Variants in SERPINB3 observed in about 807,000 individuals in gnomAD.
SERPINB3 encodes serpin B3.
In SERPINB3, 33 loss-of-function variants were observed where a neutral mutation model predicts 33.0. The observed-to-expected ratio is 1.00, with a 90% CI of 0.76 to 1.34. The LOEUF (loss-of-function observed/expected upper bound fraction) is 1.34, where lower values mean the gene tolerates loss of function less well. SERPINB3 is among the 40% of genes most tolerant of loss of function. The pLI is 0.00. For missense variants in SERPINB3, 518 were observed against 461.5 expected (o/e 1.12, Z -1.12); for synonymous variants, 200 against 170.9 (o/e 1.17, Z -1.33).
chr18:63,655,594 A>G lies in SERPINB3; in HGVS notation c.*63T>C. ...GCCAAGAGAATCTGTTGTTGCCAGC[A>G]ATCAGTTTACCAGAACATCTGCAGG... On this transcript the variant is annotated 3_prime_UTR_variant, in exon 8 of 8. Transcript: ENST00000283752. 6.7e-7 allele frequency: 1 copy of G among 1,498,228 alleles called. No homozygotes were observed. Among genetic ancestry groups the G allele is most frequent in the East Asian group, 2.3e-5 (1 of 43,834 alleles). The allele number at this position is 1,498,228 out of a possible 1,614,324, so 92.8% of individuals were successfully genotyped here.
chr18:63,657,260 T>C lies in SERPINB3; in HGVS notation c.612+10A>G, dbSNP rs1913522230. 7.3e-7 allele frequency: 1 copy of C among 1,373,242 alleles called. No individual in the cohort carries two copies. Among genetic ancestry groups the C allele is most frequent in the Non-Finnish European group, 1.0e-6 (1 of 982,488 alleles). The allele number at this position is 1,373,242 out of a possible 1,614,324, so 85.1% of individuals were successfully genotyped here. On this transcript the variant is annotated intron_variant, in intron 6 of 7. Coordinates refer to ENST00000283752, the MANE Select transcript of SERPINB3 (RefSeq NM_006919.3). Reference sequence around the variant, plus strand: ...CATATTACATTATATAAATAAAATATAGACAATACCTTGTTTGGCCAAAAT... The same window carrying C: ...CATATTACATTATATAAATAAAATACAGACAATACCTTGTTTGGCCAAAAT...
At position 63,655,624 on chromosome 18, in the gene SERPINB3, C is replaced by T. The variant is rs1598935862; in HGVS notation, c.*33G>A. 2.6e-6 allele frequency: 4 copies of T among 1,561,350 alleles called. No homozygotes were observed. Among genetic ancestry groups the T allele is most frequent in the South Asian group, 2.4e-5 (2 of 83,018 alleles). The stretch of plus-strand genomic sequence containing the variant: ...GTTTACCAGAACATCTGCAGGTGAA[C>T]ATTTTCCAAATGGAGTGACAGACTA... On this transcript the variant is annotated 3_prime_UTR_variant, in exon 8 of 8. Transcript: ENST00000283752.
At position 63,655,329 on chromosome 18, in the gene SERPINB3, A is replaced by G. The variant is rs980373837; in HGVS notation, c.*328T>C. 1.5e-5 allele frequency: 3 copies of G among 203,898 alleles called. No individual in the cohort carries two copies. The highest frequency in any genetic ancestry group is 1.1e-4 in the East Asian group (1 of 9,216). 12.6% of individuals were successfully genotyped at this position (203,898 alleles called of 1,614,324 possible). A position where few individuals can be genotyped will look rare whatever the true frequency, so the allele number is the denominator to read the frequency against. On this transcript the variant is annotated 3_prime_UTR_variant, in exon 8 of 8. Coordinates refer to ENST00000283752, the MANE Select transcript of SERPINB3 (RefSeq NM_006919.3). Reference sequence around the variant, plus strand: ...AGGTTGCTAAATTCAAAGAAAAAGTATGATTTGGTTTGGTTCATTTAAAAC... The same window carrying G: ...AGGTTGCTAAATTCAAAGAAAAAGTGTGATTTGGTTTGGTTCATTTAAAAC...
In SERPINB3 at chr18:63,655,775, A is replaced by G. The variant is rs773929167; in HGVS notation, c.1055T>C (p.Phe352Ser). Residue 352 changes from phenylalanine to serine, a missense_variant, in exon 8 of 8, where the codon TTC becomes TCC. Phe to Ser is a radical substitution (Grantham distance 155). Transcript: ENST00000283752. ...EAAAATAVVG[F>S]GSSPTSTNEE... ...ATTAGTTGAAGTAGGTGATGATCCG[A>G]ATCCTACTACAGCGGTGGCAGCTGC... 11 of 1,609,762 alleles carry G rather than the reference A, an allele frequency of 6.8e-6. No individual in the cohort carries two copies. Among genetic ancestry groups the G allele is most frequent in the Non-Finnish European group, 9.3e-6 (11 of 1,179,876 alleles).
chr18:63,658,690 C>A (rs1913562524), intron 4 of SERPINB3, 60 bp from the exon 5 acceptor site: 2 of 1,279,912 alleles, frequency 1.6e-6, no homozygotes, highest in South Asian at 1.3e-5. Context: ...TATATATTAC[C>A]AAATTTAGTT....
At position 63,659,432 on chromosome 18, in the gene SERPINB3, C is replaced by T; in HGVS notation, c.318G>A (p.Lys106=). The T allele has an allele frequency of 6.2e-7, 1 of 1,613,514 alleles. No homozygotes were observed. Among genetic ancestry groups the T allele is most frequent in the Non-Finnish European group, 8.5e-7 (1 of 1,179,622 alleles). ...ATAGATACGTTTTTTCTCCGAAGAG[C>T]TTGTTGGCGATCTTCAGCTCATATG... ...TDAYELKIAN[K]LFGEKTYLFL... The change falls in exon 4 of 8, where the codon AAG becomes AAA. Residue 106 remains lysine, a synonymous_variant. Transcript: ENST00000283752.
intron 4 of SERPINB3, 101 bp from the exon 5 acceptor site, chr18:63,658,731 C>G: frequency 1.1e-6 from 1 of 879,258 alleles, no homozygotes; most frequent in Non-Finnish European, 1.8e-6. Flanking sequence ...GAATCCAGAC[C>G]CTGAATAGAT....
Position 63,656,893 on chromosome 18 carries a change from A to G in SERPINB3, c.706T>C (p.Tyr236His), listed in dbSNP as rs750177130. ...DVQAKVLEIP[Y>H]KGKDLSMIVL... ...ATCATGCTTAGATCTTTGCCTTTGT[A>G]TGGTATTTCCAGGACCTTGGCCTGT... The change falls in exon 7 of 8, where the codon TAC (tyrosine) becomes CAC (histidine). Residue 236 changes from tyrosine (Y) to histidine (H), a missense_variant. Physicochemically the swap from Tyr to His is moderately conservative, Grantham distance 83. Transcript: ENST00000283752. 4 of 1,613,464 alleles carry G rather than the reference A, an allele frequency of 2.5e-6. No homozygotes were observed. Among genetic ancestry groups the G allele is most frequent in the East Asian group, 2.2e-5 (1 of 44,870 alleles).
At chr18:63,659,966 T>C (rs181342466) in intron 3 of SERPINB3, among the ~76,000 whole-genome samples, 3 of 152,300 alleles carry the variant, frequency 2.0e-5, no homozygotes, top group South Asian at 4.1e-4. Context: ...GGTGCTGTTA[T>C]CTTGTAGGAC....
At position 63,657,284 on chromosome 18, in the gene SERPINB3, AT is replaced by A; in HGVS notation, c.597del (p.Lys199AsnfsTer14). On this transcript the variant is annotated frameshift_variant, in exon 6 of 8. Coordinates refer to ENST00000283752, the MANE Select transcript of SERPINB3 (RefSeq NM_006919.3). LOFTEE classifies it high-confidence loss of function. ...KFNKEDTKEE[K>X]FWPNKNTYKS... ...ATAGACAATACCTTGTTTGGCCAAA[AT>A]TTTTCCTCTTTAGTATCTTCTTTAT... 1 of 1,579,280 alleles carries A rather than the reference AT, an allele frequency of 6.3e-7. No individual in the cohort carries two copies. The highest frequency in any genetic ancestry group is 1.2e-5 in the South Asian group (1 of 85,200).
In SERPINB3 at chr18:63,658,545, T is replaced by C. The variant is rs1428663506; in HGVS notation, c.437A>G (p.Lys146Arg). ...TTGACTTTCCACCCAGGAGTTAATCTTCTTTCGACTTTCTTCTGGAGCATT... is the reference window on the plus strand; with the variant it reads ...TTGACTTTCCACCCAGGAGTTAATCCTCTTTCGACTTTCTTCTGGAGCATT... ...FANAPEESRK[K>R]INSWVESQTN... is the part of the protein sequence containing the mutation. Residue 146 changes from lysine (K) to arginine (R), a missense_variant, in exon 5 of 8, where the codon AAG (lysine) becomes AGG (arginine). By Grantham distance (26) the Lys-to-Arg change is conservative. Coordinates refer to ENST00000283752, the MANE Select transcript of SERPINB3 (RefSeq NM_006919.3). 6.2e-7 allele frequency: 1 copy of C among 1,613,072 alleles called. No individual in the cohort carries two copies. The highest frequency in any genetic ancestry group is 8.5e-7 in the Non-Finnish European group (1 of 1,179,402).
At chr18:63,657,016 C>T in intron 6 of SERPINB3, 30 bp from the exon 7 acceptor site, 1 of 1,559,750 alleles carries the variant, frequency 6.4e-7, no homozygotes, top group Non-Finnish European at 8.7e-7. Flanking sequence ...CCAACAAATA[C>T]CAAGTGAGAC....
At position 63,656,756 on chromosome 18, in the gene SERPINB3, T is replaced by C. The variant is rs1913506848; in HGVS notation, c.768+75A>G. The C allele has an allele frequency of 2.0e-6, 3 of 1,491,020 alleles. 1 individual carries two copies. In the South Asian group the frequency reaches 4.3e-5, roughly 21 times the overall value. 92.4% of individuals were successfully genotyped at this position (1,491,020 alleles called of 1,614,324 possible). On this transcript the variant is annotated intron_variant, in intron 7 of 7. Coordinates refer to ENST00000283752, the MANE Select transcript of SERPINB3 (RefSeq NM_006919.3). ...TTTGAGGCAACTCGGTCACCAGCTT[T>C]TACCTTGTTTAAACTTGGTATCTTT...
chr18:63,660,963 C>G, intron 2 of SERPINB3, 89 bp downstream of exon 2: 3 of 1,608,400 alleles, frequency 1.9e-6, no homozygotes, highest in East Asian at 4.5e-5. Context: ...TGCTACCCAT[C>G]AGACCACCAC....
rs1198487577 is a variant in SERPINB3 at position 63,658,604 on chromosome 18, A to G, written c.378T>C (p.Phe126=). Residue 126 remains phenylalanine, a synonymous_variant, in exon 5 of 8, where the codon TTT becomes TTC. Transcript: ENST00000283752. ...LQEYLDAIKK[F]YQTSVESVDF... is the part of the protein sequence containing the mutation. ...CAACAGATTCCACACTGGTCTGGTA[A>G]AATTTCTTGATGGCATCTAAATATT... The G allele has an allele frequency of 3.7e-6, 6 of 1,612,582 alleles. No homozygotes were observed. In the African/African-American group the frequency reaches 8.0e-5, roughly 22 times the overall value.
Position 63,660,786 on chromosome 18 carries a change from G to C in SERPINB3, c.222+14C>G. On this transcript the variant is annotated intron_variant, in intron 3 of 7. Coordinates refer to ENST00000283752, the MANE Select transcript of SERPINB3 (RefSeq NM_006919.3). Reference sequence around the variant, plus strand: ...CGGGGATCTAAAGCTGAACCATAGTGCTCTGTGACTCACATGATATGTTGC... The same window carrying C: ...CGGGGATCTAAAGCTGAACCATAGTCCTCTGTGACTCACATGATATGTTGC... 2 of 1,613,224 alleles carry C rather than the reference G, an allele frequency of 1.2e-6. No individual in the cohort carries two copies. Among genetic ancestry groups the C allele is most frequent in the Non-Finnish European group, 1.7e-6 (2 of 1,179,496 alleles).
rs771682375 is a variant in SERPINB3 at position 63,658,533 on chromosome 18, C to G, written c.449G>C (p.Trp150Ser). ...PEESRKKINS[W>S]VESQTNEKIK... ...CCTACCATTCGTTTGACTTTCCACCCAGGAGTTAATCTTCTTTCGACTTTC... is the reference window on the plus strand; with the variant it reads ...CCTACCATTCGTTTGACTTTCCACCGAGGAGTTAATCTTCTTTCGACTTTC... Residue 150 changes from tryptophan (W) to serine (S), a missense_variant, in exon 5 of 8, where the codon TGG becomes TCG. Trp to Ser is a radical substitution (Grantham distance 177). Coordinates refer to ENST00000283752, the MANE Select transcript of SERPINB3 (RefSeq NM_006919.3). 7.4e-6 allele frequency: 12 copies of G among 1,612,566 alleles called. No individual in the cohort carries two copies. Among genetic ancestry groups the G allele is most frequent in the Non-Finnish European group, 1.0e-5 (12 of 1,179,240 alleles).
In SERPINB3 at chr18:63,659,795, G is replaced by C. The variant is rs12326128; in HGVS notation, c.223-268C>G. ...GCAGCACTGTCTACCACTGGATTTT[G>C]TCCTTGTTGGTTTAAAGGGTTAGGT... On this transcript the variant is annotated intron_variant, in intron 3 of 7. Transcript: ENST00000283752. Among the ~76,000 whole-genome samples the C allele has an allele frequency of 4.3e-3, 662 of 152,222 alleles. 4 individuals carry two copies. The highest frequency in any genetic ancestry group is 0.015 in the African/African-American group (633 of 41,542).
At position 63,656,949 on chromosome 18, in the gene SERPINB3, G is replaced by A; in HGVS notation, c.650C>T (p.Thr217Ile). 1.2e-6 allele frequency: 2 copies of A among 1,613,106 alleles called. No homozygotes were observed. Among genetic ancestry groups the A allele is most frequent in the Non-Finnish European group, 1.7e-6 (2 of 1,179,382 alleles). The change falls in exon 7 of 8, where the codon ACA becomes ATA. Residue 217 changes from threonine to isoleucine, a missense_variant. Coordinates refer to ENST00000283752, the MANE Select transcript of SERPINB3 (RefSeq NM_006919.3). ...YKSIQMMRQY[T>I]SFHFASLEDV... is the part of the protein sequence containing the mutation. ...CTCCAGCGAGGCAAAATGAAAAGAT[G>A]TGTATTGCCTCATCATCTGTATGGA...
Sources: gnomAD v4.1 joint callset for allele counts (sites outside exome capture counted in the v4.1 genomes callset) on GRCh38, gnomAD v4.1.1 for gene constraint, MANE v1.5 for transcripts, NCBI Gene and HGNC (gene_info 2026-07-23, HGNC 2026-07-21) for gene names.